Variants in RND3 observed in about 807,000 individuals in gnomAD.
RND3 encodes the protein rho-related GTP-binding protein RhoE.
In RND3, 8 loss-of-function variants were observed where a neutral mutation model predicts 26.5. That is an observed-to-expected ratio of 0.30 (90% confidence interval 0.18 to 0.54). The LOEUF (loss-of-function observed/expected upper bound fraction) is 0.54. Among genes scored for constraint, RND3 ranks in the 20% least tolerant of loss-of-function variants. RND3 has a pLI of 0.94. For missense variants in RND3, 207 were observed against 302.8 expected (o/e 0.68, Z 2.35); for synonymous variants, 113 against 113.0 (o/e 1.00, Z 0.00).
intron 3 of RND3, chr2:150,485,272 G>C (rs949037268): frequency 8.5e-5 from 13 of 152,350 alleles, no homozygotes; most frequent in African/African-American, 2.9e-4. Context: ...GCTCGTGCGA[G>C]ACTTCTCGCT....
intron 3 of RND3, chr2:150,485,280 G>T (rs1686338900): frequency 6.6e-6 from 1 of 152,326 alleles, no homozygotes; most frequent in Non-Finnish European, 1.5e-5. Context: ...GAGACTTCTC[G>T]CTTGCCTTTG....
rs1686044984 is a variant in RND3 at position 150,469,527 on chromosome 2, C to G, written c.*460G>C. On this transcript the variant is annotated 3_prime_UTR_variant, in exon 6 of 6. Coordinates refer to ENST00000263895, the MANE Select transcript of RND3 (RefSeq NM_005168.5). ...ATCACATCCTCTAGAAAACTAAATG[C>G]TAAGGTCACAGTGCCAGTTCCCCCT... 1 of 154,790 alleles carries G rather than the reference C, an allele frequency of 6.5e-6. No individual in the cohort carries two copies. The allele number at this position is 154,790 out of a possible 1,614,324, so 9.6% of individuals were successfully genotyped here.
At chr2:150,480,522 A>G in intron 3 of RND3, among the ~76,000 whole-genome samples, 1 of 152,214 alleles carries the variant, frequency 6.6e-6, no homozygotes, top group East Asian at 1.9e-4. Flanking sequence ...TCATATTTAC[A>G]TGCAAAAGAA....
Position 150,486,753 on chromosome 2 carries a change from T to C in RND3, c.179A>G (p.Tyr60Cys). The C allele has an allele frequency of 6.2e-7, 1 of 1,613,614 alleles. No individual in the cohort carries two copies. The highest frequency in any genetic ancestry group is 8.5e-7 in the Non-Finnish European group (1 of 1,179,488). The change falls in exon 3 of 6, where the codon TAC (tyrosine) becomes TGC (cysteine). Residue 60 changes from tyrosine to cysteine, a missense_variant. Transcript: ENST00000263895. The surrounding 1 kb of genome is among the most constrained non-coding windows in gnomAD (Gnocchi z 4.5). The stretch of plus-strand genomic sequence containing the variant: ...TGTGTCGATTTCAAAACTGGCCGTG[T>C]AATTCTCAAACACTGTAGGAACGTA... ...ENYVPTVFEN[Y>C]TASFEIDTQR...
chr2:150,486,596 C>A lies in RND3; in HGVS notation c.238+98G>T. The A allele has an allele frequency of 2.3e-6, 2 of 867,732 alleles. No individual in the cohort carries two copies. Among genetic ancestry groups the A allele is most frequent in the Non-Finnish European group, 4.0e-6 (2 of 501,734 alleles). 53.8% of individuals were successfully genotyped at this position (867,732 alleles called of 1,614,324 possible). ...GACCGTGGGAATCCCTTGGGAGGGG[C>A]GCAGACGGCTTGTAGCGCGCGGTTT... On this transcript the variant is annotated intron_variant, in intron 3 of 5. Transcript: ENST00000263895. This position sits in a 1 kb window ranked among gnomAD's most constrained non-coding sequence, Gnocchi z 4.5.
At chr2:150,470,324 C>T (rs1423942264) in intron 5 of RND3, 86 bp from the exon 6 acceptor site, 1 of 1,392,280 alleles carries the variant, frequency 7.2e-7, no homozygotes, top group Non-Finnish European at 9.8e-7. Flanking sequence ...AAAATAATAA[C>T]ACATTGCAAA....
At position 150,486,187 on chromosome 2, in the gene RND3, C is replaced by G. The variant is rs755040402; in HGVS notation, c.238+507G>C. On this transcript the variant is annotated intron_variant, in intron 3 of 5. Coordinates refer to ENST00000263895, the MANE Select transcript of RND3 (RefSeq NM_005168.5). The surrounding 1 kb of genome is among the most constrained non-coding windows in gnomAD (Gnocchi z 4.5). Reference sequence around the variant, plus strand: ...GTCACGGGCGCCGCGGCTGCCTGCGCTCAGTTTCTTTCCCTCAACAGCGGC... The same window carrying G: ...GTCACGGGCGCCGCGGCTGCCTGCGGTCAGTTTCTTTCCCTCAACAGCGGC... 1.3e-5 allele frequency among the ~76,000 whole-genome samples: 2 copies of G among 152,186 alleles called. No homozygotes were observed. The highest frequency in any genetic ancestry group is 4.8e-5 in the African/African-American group (2 of 41,544).
At chr2:150,478,578 G>GAAA (rs752844515) in intron 3 of RND3, among the ~76,000 whole-genome samples, 13 of 74,154 alleles carry the variant, frequency 1.8e-4, no homozygotes, top group East Asian at 6.0e-4. Context: ...AAGCCAAACG[G>GAAA]CAAAAAAAAA....
At position 150,487,475 on chromosome 2, in the gene RND3, ATAT is replaced by A. The variant is rs1573959113; in HGVS notation, c.-38-23_-38-21del. On this transcript the variant is annotated intron_variant, in intron 1 of 5. Transcript: ENST00000263895. ...TTTTCTCTTAAGAAGAAAAAAAAAA[ATAT>A]ATATATATATATATATTTCTCTCTT... is the stretch of plus-strand genomic sequence containing the variant. The A allele has an allele frequency of 3.5e-5, 6 of 169,958 alleles. No individual in the cohort carries two copies. The highest frequency in any genetic ancestry group is 1.2e-4 in the East Asian group (1 of 8,396). 10.5% of individuals were successfully genotyped at this position (169,958 alleles called of 1,614,324 possible).
chr2:150,476,841 C>T (rs746356392), intron 3 of RND3, among the ~76,000 whole-genome samples: 10 of 152,148 alleles, frequency 6.6e-5, no homozygotes, highest in Non-Finnish European at 1.0e-4. Context: ...GCATCAGAAA[C>T]GAGATGGTTG....
At chr2:150,482,757 C>G (rs1172338064) in intron 3 of RND3, among the ~76,000 whole-genome samples, 2 of 151,818 alleles carry the variant, frequency 1.3e-5, no homozygotes, top group Non-Finnish European at 2.9e-5. Context: ...GTAGCTGTTT[C>G]CTATCTGAAG....
At chr2:150,483,268 G>A (rs1686307215) in intron 3 of RND3, among the ~76,000 whole-genome samples, 1 of 151,812 alleles carries the variant, frequency 6.6e-6, no homozygotes, top group Non-Finnish European at 1.5e-5. Context: ...GATAAGAGAG[G>A]AACTGTTTCT....
intron 3 of RND3, among the ~76,000 whole-genome samples, chr2:150,475,850 G>A (rs1196693259): frequency 6.6e-6 from 1 of 152,070 alleles, no homozygotes; most frequent in Non-Finnish European, 1.5e-5. Context: ...CCTGAATTAA[G>A]TCCAGGGTAC....
At chr2:150,475,973 C>T (rs1686157403) in intron 3 of RND3, among the ~76,000 whole-genome samples, 1 of 152,110 alleles carries the variant, frequency 6.6e-6, no homozygotes, top group African/African-American at 2.4e-5. Context: ...TACATGAGGC[C>T]TATAGTTATG....
chr2:150,474,844 C>G (rs1026880917), intron 4 of RND3, 31 bp downstream of exon 4: 2 of 1,251,902 alleles, frequency 1.6e-6, no homozygotes, highest in Non-Finnish European at 1.2e-6. Flanking sequence ...TCACCCAGTA[C>G]TGAAGTGTGT....
intron 3 of RND3, among the ~76,000 whole-genome samples, chr2:150,476,286 G>C (rs1686163553): frequency 6.6e-6 from 1 of 152,174 alleles, no homozygotes; most frequent in Non-Finnish European, 1.5e-5. Context: ...AGCAGCTTTA[G>C]AAAAAATGTC....
In RND3 at chr2:150,468,876, T is replaced by C. The variant is rs1686035736; in HGVS notation, c.*1111A>G. 2 of 152,646 alleles carry C rather than the reference T, an allele frequency of 1.3e-5. No individual in the cohort carries two copies. The highest frequency in any genetic ancestry group is 4.8e-5 in the African/African-American group (2 of 41,474). The allele number at this position is 152,646 out of a possible 1,614,324, so 9.5% of individuals were successfully genotyped here. ...TCATATAATCTTCCACTAGGGATTC[T>C]CTAAAGCTTGGGTAAGTGGCATCTT... On this transcript the variant is annotated 3_prime_UTR_variant, in exon 6 of 6. Coordinates refer to ENST00000263895, the MANE Select transcript of RND3 (RefSeq NM_005168.5).
At chr2:150,482,252 T>A (rs543429946) in intron 3 of RND3, among the ~76,000 whole-genome samples, 1 of 152,322 alleles carries the variant, frequency 6.6e-6, no homozygotes, top group South Asian at 2.1e-4. Flanking sequence ...ACTCCCTAAA[T>A]CACATGTGCT....
intron 3 of RND3, 103 bp from the exon 4 acceptor site, chr2:150,475,087 G>A (rs1046668020): frequency 3.2e-5 from 21 of 648,324 alleles, no homozygotes; most frequent in Admixed American, 2.3e-4. Context: ...GTCACATCAC[G>A]ACCCAACTCC....
Sources: gnomAD v4.1 joint callset for allele counts (sites outside exome capture counted in the v4.1 genomes callset) on GRCh38, gnomAD v4.1.1 for gene constraint, Gnocchi (gnomAD v3.1) non-coding constraint, MANE v1.5 for transcripts, NCBI Gene and HGNC (gene_info 2026-07-23, HGNC 2026-07-21) for gene names.